Variants in RFX5 observed in about 807,000 individuals in gnomAD.
RFX5 encodes the protein DNA-binding protein RFX5.
RFX5 carries 30 observed loss-of-function variants against 41.2 expected under a neutral mutation model. The observed-to-expected ratio is 0.73, with a 90% CI of 0.54 to 0.99. The LOEUF is 0.99. RFX5 is among the 50% of genes least tolerant of loss of function. The probability of loss-of-function intolerance (pLI) is 0.00; values close to 1 mark genes in which losing one functional copy is unlikely to be tolerated. For synonymous variants in RFX5, 231 were observed against 291.8 expected (o/e 0.79, Z 2.12); for missense variants, 715 against 773.6 (o/e 0.92, Z 0.90).
chr1:151,344,108 G>A (rs1650776482), intron 8 of RFX5, 89 bp downstream of exon 8: 4 of 1,314,956 alleles, frequency 3.0e-6, no homozygotes, highest in Admixed American at 1.7e-5. Flanking sequence ...CATAATGACT[G>A]AGGCTGTTAG....
chr1:151,345,806 C>A, intron 4 of RFX5, 122 bp downstream of exon 4: 2 of 1,428,092 alleles, frequency 1.4e-6, no homozygotes, highest in Non-Finnish European at 9.9e-7. Context: ...AGCCAACTAT[C>A]TTCTGACAAG....
Position 151,342,792 on chromosome 1 carries a change from T to A in RFX5, c.1245A>T (p.Arg415Ser), listed in dbSNP as rs1238305223. 1 of 1,614,174 alleles carries A rather than the reference T, an allele frequency of 6.2e-7. No homozygotes were observed. Among genetic ancestry groups the A allele is most frequent in the East Asian group, 2.2e-5 (1 of 44,884 alleles). The change falls in exon 11 of 11, where the codon AGA (arginine) becomes AGT (serine). Residue 415 changes from arginine to serine, a missense_variant. Coordinates refer to ENST00000452671, the MANE Select transcript of RFX5 (RefSeq NM_001025603.2). ...CTTGGTCACCACCTATGCCTACCTC[T>A]CTGTTCTCTGTGCCCCGGGGCTGAG... ...GLTQPRGTEN[R>S]EVGIGGDQGP...
At chr1:151,345,809 C>G in intron 4 of RFX5, 119 bp downstream of exon 4, 2 of 1,444,242 alleles carry the variant, frequency 1.4e-6, no homozygotes, top group South Asian at 2.3e-5. Flanking sequence ...CAACTATCTT[C>G]TGACAAGGCA....
At chr1:151,346,422 C>T (rs1225837366) in intron 2 of RFX5, 67 bp downstream of exon 2, 25 of 975,914 alleles carry the variant, frequency 2.6e-5, no homozygotes, top group Non-Finnish European at 3.6e-5. Flanking sequence ...ATCTCTTTAC[C>T]CAGAAAGGCA....
In RFX5 at chr1:151,342,400, G is replaced by A. The variant is rs534756965; in HGVS notation, c.1637C>T (p.Pro546Leu). The change falls in exon 11 of 11, where the codon CCC becomes CTC. Residue 546 changes from proline (P) to leucine (L), a missense_variant. Coordinates refer to ENST00000452671, the MANE Select transcript of RFX5 (RefSeq NM_001025603.2). ...TGCTTCTTTGGTATGCTGGGAACCG[G>A]GGCCCCTTCCTCCTTTGGAAACAGT... ...DGTVSKGGRG[P>L]GSQHTKEAED... is the part of the protein sequence containing the mutation. 21 of 1,614,112 alleles carry A rather than the reference G, an allele frequency of 1.3e-5. No individual in the cohort carries two copies. The South Asian group carries it at 2.3e-4, about 18-fold the overall frequency.
In RFX5 at chr1:151,341,636, A is replaced by G. The variant is rs187700007; in HGVS notation, c.*550T>C. 1 of 231,514 alleles carries G rather than the reference A, an allele frequency of 4.3e-6. No homozygotes were observed. The highest frequency in any genetic ancestry group is 8.7e-6 in the Non-Finnish European group (1 of 115,460). 14.3% of individuals were successfully genotyped at this position (231,514 alleles called of 1,614,324 possible). A position where few individuals can be genotyped will look rare whatever the true frequency, so the allele number is the denominator to read the frequency against. ...GGTACAAAGATGCCTTCTTTTTCTG[A>G]TTGGACATAAATGGGGAAAAGTGTA... On this transcript the variant is annotated 3_prime_UTR_variant, in exon 11 of 11. Transcript: ENST00000452671.
Position 151,342,036 on chromosome 1 carries a change from AC to A in RFX5, c.*149del. On this transcript the variant is annotated 3_prime_UTR_variant, in exon 11 of 11. Coordinates refer to ENST00000452671, the MANE Select transcript of RFX5 (RefSeq NM_001025603.2). Reference sequence around the variant, plus strand: ...AAAAGGTCAGAGGCAGCAACCAGGTACTAAGTAGACTGGGTGACTCAGCTGT... The same window carrying A: ...AAAAGGTCAGAGGCAGCAACCAGGTATAAGTAGACTGGGTGACTCAGCTGT... The A allele has an allele frequency of 9.1e-7, 1 of 1,093,244 alleles. No homozygotes were observed. Among genetic ancestry groups the A allele is most frequent in the Non-Finnish European group, 1.4e-6 (1 of 721,242 alleles). 67.7% of individuals were successfully genotyped at this position (1,093,244 alleles called of 1,614,324 possible).
At position 151,344,747 on chromosome 1, in the gene RFX5, T is replaced by C. The variant is rs1404006392; in HGVS notation, c.334A>G (p.Ser112Gly). ...EHTDTCLPKQSVYDAYRKYCE... is the reference protein window; with the variant it reads ...EHTDTCLPKQGVYDAYRKYCE... Reference sequence around the variant, plus strand: ...ACCCACCGATAGGCATCATAAACACTTTGCTTTGGCAGACAGGTGTCAGTG... The same window carrying C: ...ACCCACCGATAGGCATCATAAACACCTTGCTTTGGCAGACAGGTGTCAGTG... The change falls in exon 6 of 11, where the codon AGT becomes GGT. Residue 112 changes from serine (S) to glycine (G), a missense_variant. Ser to Gly is a moderately conservative substitution (Grantham distance 56). Coordinates refer to ENST00000452671, the MANE Select transcript of RFX5 (RefSeq NM_001025603.2). The C allele has an allele frequency of 2.6e-6, 3 of 1,146,776 alleles. No homozygotes were observed. Among genetic ancestry groups the C allele is most frequent in the Non-Finnish European group, 3.6e-6 (3 of 834,998 alleles). The allele number at this position is 1,146,776 out of a possible 1,614,324, so 71.0% of individuals were successfully genotyped here.
rs201848165 is a variant in RFX5, at chr1:151,343,751, G to A, written c.687C>T (p.Phe229=). The A allele has an allele frequency of 1.9e-6, 3 of 1,614,114 alleles. No homozygotes were observed. In the African/African-American group the frequency reaches 4.0e-5, roughly 22 times the overall value. The change falls in exon 9 of 11, where the codon TTC becomes TTT. Residue 229 remains phenylalanine, a synonymous_variant. Coordinates refer to ENST00000452671, the MANE Select transcript of RFX5 (RefSeq NM_001025603.2). ...CAGAGATGAGATGCTGCTGTAGCAGGAAGCGGGCGACCTCAACGATGGAAC... is the reference window on the plus strand; with the variant it reads ...CAGAGATGAGATGCTGCTGTAGCAGAAAGCGGGCGACCTCAACGATGGAAC... ...SFSSIVEVAR[F]LLQQHLISAR... is the part of the protein sequence containing the mutation.
Position 151,343,863 on chromosome 1 carries a change from A to G in RFX5, c.575T>C (p.Val192Ala). Residue 192 changes from valine to alanine, a missense_variant, in exon 9 of 11, where the codon GTA becomes GCA. Physicochemically the swap from Val to Ala is moderately conservative, Grantham distance 64. Coordinates refer to ENST00000452671, the MANE Select transcript of RFX5 (RefSeq NM_001025603.2). The part of the protein sequence containing the change: ...GSESPEMGPE[V>A]TPAPRDELVE... ...CAGTTCATCTCGAGGTGCTGGGGTTACTTCTGGGCCCATTTCTGGCTGAAG... is the reference window on the plus strand; with the variant it reads ...CAGTTCATCTCGAGGTGCTGGGGTTGCTTCTGGGCCCATTTCTGGCTGAAG... The G allele has an allele frequency of 6.2e-7, 1 of 1,613,734 alleles. No individual in the cohort carries two copies. Among genetic ancestry groups the G allele is most frequent in the Non-Finnish European group, 8.5e-7 (1 of 1,179,780 alleles).
In RFX5 at chr1:151,344,453, A is replaced by G. The variant is rs2102065738; in HGVS notation, c.437T>C (p.Ile146Thr). ...GKIIREIFPD[I>T]KARRLGGRGQ... ...CCGGCCACCAAGCCTTCGAGCTTTG[A>G]TGTCAGGGAAGATCTCTCTGATGAT... Residue 146 changes from isoleucine (I) to threonine (T), a missense_variant, in exon 7 of 11, where the codon ATC becomes ACC. By Grantham distance (89) the Ile-to-Thr change is moderately conservative. Transcript: ENST00000452671. 1 of 1,614,182 alleles carries G rather than the reference A, an allele frequency of 6.2e-7. No homozygotes were observed. Among genetic ancestry groups the G allele is most frequent in the Non-Finnish European group, 8.5e-7 (1 of 1,180,040 alleles).
intron 8 of RFX5, 60 bp from the exon 9 acceptor site, chr1:151,343,942 CTT>C: frequency 1.3e-6 from 2 of 1,565,154 alleles, no homozygotes; most frequent in African/African-American, 1.4e-5. Context: ...TGCCTCCTCT[CTT>C]GTCAGAGATC....
chr1:151,346,575 C>A lies in RFX5; in HGVS notation c.-100G>T. On this transcript the variant is annotated 5_prime_UTR_variant, in exon 2 of 11. Transcript: ENST00000452671. ...CTTTGCCATCTCCATTCTATCTGCC[C>A]CACCTTTCTGAAGTCTCCTAAATCT... is the stretch of plus-strand genomic sequence containing the variant. The A allele has an allele frequency of 2.1e-6, 1 of 478,488 alleles. No homozygotes were observed. The highest frequency in any genetic ancestry group is 3.8e-6 in the Non-Finnish European group (1 of 260,822). The allele number at this position is 478,488 out of a possible 1,614,324, so 29.6% of individuals were successfully genotyped here.
Position 151,346,281 on chromosome 1 carries a change from C to G in RFX5, c.40G>C (p.Gly14Arg). The G allele has an allele frequency of 6.2e-7, 1 of 1,614,164 alleles. No individual in the cohort carries two copies. The highest frequency in any genetic ancestry group is 1.1e-5 in the South Asian group (1 of 91,082). ...DEPDAKSPKT[G>R]GRAPPGGAEA... ...GCACCACCTGGGGGGGCCCTTCCCC[C>G]AGTCTTGGGGCTCTTAGCATCAGGC... Residue 14 changes from glycine to arginine, a missense_variant, in exon 3 of 11, where the codon GGG (glycine) becomes CGG (arginine). Transcript: ENST00000452671.
chr1:151,344,703 T>TTG, intron 6 of RFX5, 25 bp downstream of exon 6: 1 of 1,515,642 alleles, frequency 6.6e-7, no homozygotes, highest in Non-Finnish European at 8.9e-7. Context: ...AATCCACTCA[T>TTG]CCCACCACCC....
rs1557835395 is a variant in RFX5 at position 151,346,326 on chromosome 1, C to T, written c.-6G>A. On this transcript the variant is annotated 5_prime_UTR_variant, in exon 3 of 11. An upstream start codon of the reference 5' UTR is lost. Transcript: ENST00000452671. ...TCAGGCTCATCTTCTGCCATCCCGG[C>T]ATGAGGGCTAGAATTGAGAGGGACA... The T allele has an allele frequency of 1.2e-6, 2 of 1,613,488 alleles. No individual in the cohort carries two copies. Among genetic ancestry groups the T allele is most frequent in the East Asian group, 2.2e-5 (1 of 44,876 alleles).
At chr1:151,344,992 T>G in intron 5 of RFX5, 114 bp downstream of exon 5, 1 of 1,538,368 alleles carries the variant, frequency 6.5e-7, no homozygotes, top group Non-Finnish European at 9.0e-7. Flanking sequence ...GCGAGGACCT[T>G]TCCTCTTCAT....
chr1:151,344,508 G>C lies in RFX5; in HGVS notation c.382C>G (p.Arg128Gly), dbSNP rs771181740. Residue 128 changes from arginine (R) to glycine (G), a missense_variant, in exon 7 of 11, where the codon CGC (arginine) becomes GGC (glycine). Transcript: ENST00000452671. Reference protein sequence around the residue: ...RKYCESLACCRPLSTANFGKI... With the variant: ...RKYCESLACCGPLSTANFGKI... ...CCAAAGTTGGCTGTGCTGAGTGGGC[G>C]GCAACAGGCAAGACTCTCACAGTAC... 1.9e-6 allele frequency: 3 copies of C among 1,614,172 alleles called. No homozygotes were observed. Among genetic ancestry groups the C allele is most frequent in the Non-Finnish European group, 2.5e-6 (3 of 1,180,032 alleles).
rs747500204 is a variant in RFX5, at chr1:151,344,824, T to C, written c.257A>G (p.Asn86Ser). 3.1e-6 allele frequency: 5 copies of C among 1,604,088 alleles called. No individual in the cohort carries two copies. The highest frequency in any genetic ancestry group is 2.2e-5 in the South Asian group (2 of 90,914). Residue 86 changes from asparagine to serine, a missense_variant, in exon 6 of 11, where the codon AAT becomes AGT. Asn to Ser is a conservative substitution (Grantham distance 46). Coordinates refer to ENST00000452671, the MANE Select transcript of RFX5 (RefSeq NM_001025603.2). Reference sequence around the variant, plus strand: ...CCTATAGGCATACATGTACTCCTCATTGCTCAGTGTACTTGGCTCTGAGCT... The same window carrying C: ...CCTATAGGCATACATGTACTCCTCACTGCTCAGTGTACTTGGCTCTGAGCT... ...DKSSEPSTLS[N>S]EEYMYAYRWI...
Sources: gnomAD v4.1 joint callset for allele counts on GRCh38, gnomAD v4.1.1 for gene constraint, MANE v1.5 for transcripts, NCBI Gene and HGNC (gene_info 2026-07-23, HGNC 2026-07-21) for gene names.